Variants in FGF2 observed in about 807,000 individuals in gnomAD.
The protein encoded by FGF2 is basic fibroblast growth factor bFGF.
In FGF2, 13 loss-of-function variants were observed where a neutral mutation model predicts 15.9. The ratio of observed to expected loss-of-function variants is 0.82; its 90% confidence interval spans 0.53 to 1.30. FGF2 has a LOEUF of 1.30. Among genes scored for constraint, FGF2 ranks in the 50% most tolerant of loss-of-function variants. The pLI is 0.00. For synonymous variants in FGF2, 90 were observed against 78.4 expected (o/e 1.15, Z -0.78); for missense variants, 163 against 196.9 (o/e 0.83, Z 1.03).
rs764272274 is a variant in FGF2 at position 122,827,320 on chromosome 4, T to A, written c.146T>A (p.Val49Asp). Reference protein sequence around the residue: ...FFLRIHPDGRVDGVREKSDPH... With the variant: ...FFLRIHPDGRDDGVREKSDPH... ...CTGCGCATCCACCCCGACGGCCGAG[T>A]TGACGGGGTCCGGGAGAAGAGCGAC... is the stretch of plus-strand genomic sequence containing the variant. The change falls in exon 1 of 3, where the codon GTT becomes GAT. Residue 49 changes from valine (V) to aspartate (D), a missense_variant. Physicochemically the swap from Val to Asp is radical, Grantham distance 152. Coordinates refer to ENST00000644866, the MANE Select transcript of FGF2 (RefSeq NM_001361665.2). The surrounding 1 kb of genome is among the most constrained non-coding windows in gnomAD (Gnocchi z 4.2). 1 of 1,612,760 alleles carries A rather than the reference T, an allele frequency of 6.2e-7. No individual in the cohort carries two copies. Among genetic ancestry groups the A allele is most frequent in the African/African-American group, 1.3e-5 (1 of 74,952 alleles).
intron 1 of FGF2, among the ~76,000 whole-genome samples, chr4:122,835,189 C>CTAT (rs1553946744): frequency 6.6e-6 from 1 of 152,176 alleles, no homozygotes; most frequent in Non-Finnish European, 1.5e-5. Context: ...AGTACTAACT[C>CTAT]TATCTCCCAT....
At chr4:122,862,675 T>C (rs1726496204) in intron 1 of FGF2, among the ~76,000 whole-genome samples, 1 of 152,232 alleles carries the variant, frequency 6.6e-6, no homozygotes, top group South Asian at 2.1e-4. Context: ...GTAGATGTGA[T>C]TTAAGATATA....
At chr4:122,839,012 A>G (rs1176151628) in intron 1 of FGF2, among the ~76,000 whole-genome samples, 1 of 152,226 alleles carries the variant, frequency 6.6e-6, no homozygotes, top group East Asian at 1.9e-4. Context: ...AGTTACCTAC[A>G]GTATTCAGTA....
intron 1 of FGF2, among the ~76,000 whole-genome samples, chr4:122,856,718 TC>T (rs1560745779): frequency 2.0e-5 from 3 of 152,156 alleles, no homozygotes; most frequent in Admixed American, 6.5e-5. Flanking sequence ...TACCCAATTT[TC>T]CCCCATTGTA....
chr4:122,826,792 G>A (rs201172719), upstream of FGF2: 416 of 1,406,186 alleles, frequency 3.0e-4, no homozygotes, highest in East Asian at 0.012. Context: ...GGTGTGGGGG[G>A]TGGAGATGTA....
In FGF2 at chr4:122,876,358, G is replaced by A. The variant is rs758413753; in HGVS notation, c.216G>A (p.Val72=). 1 of 1,613,356 alleles carries A rather than the reference G, an allele frequency of 6.2e-7. No homozygotes were observed. The highest frequency in any genetic ancestry group is 1.3e-5 in the African/African-American group (1 of 74,834). Residue 72 remains valine, a synonymous_variant, in exon 2 of 3, where the codon GTG becomes GTA. Transcript: ENST00000644866. ...TTCAAGCAGAAGAGAGAGGAGTTGT[G>A]TCTATCAAAGGAGTGTGTGCTAACC... ...LQLQAEERGV[V]SIKGVCANRY...
chr4:122,872,571 C>T (rs938534918), intron 1 of FGF2, among the ~76,000 whole-genome samples: 20 of 151,900 alleles, frequency 1.3e-4, no homozygotes, highest in African/African-American at 4.6e-4. Context: ...GACACATAAT[C>T]GTCAGATTCT....
intron 2 of FGF2, among the ~76,000 whole-genome samples, chr4:122,878,288 G>A (rs1006686253): frequency 1.3e-5 from 2 of 152,178 alleles, no homozygotes; most frequent in Non-Finnish European, 2.9e-5. Flanking sequence ...TGGGGGAGAT[G>A]ACCTATAAGT....
At chr4:122,843,421 C>G (rs1404802845) in intron 1 of FGF2, among the ~76,000 whole-genome samples, 1 of 152,108 alleles carries the variant, frequency 6.6e-6, no homozygotes, top group Non-Finnish European at 1.5e-5. Flanking sequence ...TCGTCTTTAT[C>G]CTAGAAGTGG....
At chr4:122,840,182 C>T (rs1436531640) in intron 1 of FGF2, among the ~76,000 whole-genome samples, 1 of 152,154 alleles carries the variant, frequency 6.6e-6, no homozygotes, top group Non-Finnish European at 1.5e-5. Context: ...GTTCGGGGAA[C>T]ACAATTCAGC....
intron 1 of FGF2, among the ~76,000 whole-genome samples, chr4:122,867,183 G>T (rs556674478): frequency 6.6e-6 from 1 of 152,206 alleles, no homozygotes; most frequent in South Asian, 2.1e-4. Flanking sequence ...AGAATGTAGG[G>T]TGACGAAAAT....
At chr4:122,874,161 G>A (rs1726792645) in intron 1 of FGF2, among the ~76,000 whole-genome samples, 1 of 152,210 alleles carries the variant, frequency 6.6e-6, no homozygotes, top group Non-Finnish European at 1.5e-5. Flanking sequence ...AAAGTGAGAT[G>A]CAAATGCATT....
intron 1 of FGF2, among the ~76,000 whole-genome samples, chr4:122,849,385 A>T (rs1046104251): frequency 2.6e-5 from 4 of 151,342 alleles, no homozygotes; most frequent in African/African-American, 9.7e-5. Flanking sequence ...CTCAGTCATG[A>T]GTGGGAGTTG....
At chr4:122,835,179 A>C (rs753533965) in intron 1 of FGF2, among the ~76,000 whole-genome samples, 62 of 152,150 alleles carry the variant, frequency 4.1e-4, no homozygotes, top group Non-Finnish European at 7.3e-5. Flanking sequence ...GATTGGTTTG[A>C]GTACTAACTC....
intron 2 of FGF2, among the ~76,000 whole-genome samples, chr4:122,887,526 T>C (rs1360338263): frequency 1.3e-5 from 2 of 152,222 alleles, no homozygotes; most frequent in Non-Finnish European, 2.9e-5. Context: ...AACCTTATTT[T>C]CTTTTTGAAA....
intron 1 of FGF2, among the ~76,000 whole-genome samples, chr4:122,863,057 C>T (rs1726504275): frequency 6.6e-6 from 1 of 152,118 alleles, no homozygotes; most frequent in Admixed American, 6.5e-5. Flanking sequence ...CACAGAAAAT[C>T]ACGTTTAAAA....
rs1727265639 is a variant in FGF2 at position 122,893,854 on chromosome 4, G to A, written c.*1458G>A. 1 of 152,118 alleles carries A rather than the reference G, an allele frequency of 6.6e-6. No individual in the cohort carries two copies. Among genetic ancestry groups the A allele is most frequent in the African/African-American group, 2.4e-5 (1 of 41,436 alleles). The allele number at this position is 152,118 out of a possible 1,614,324, so 9.4% of individuals were successfully genotyped here. Reference sequence around the variant, plus strand: ...TCTAATTTTGTGATGTTCTGTCATTGTCTCCCAAAGTATTTAGGAGAAGCC... The same window carrying A: ...TCTAATTTTGTGATGTTCTGTCATTATCTCCCAAAGTATTTAGGAGAAGCC... On this transcript the variant is annotated 3_prime_UTR_variant, in exon 3 of 3. Coordinates refer to ENST00000644866, the MANE Select transcript of FGF2 (RefSeq NM_001361665.2).
intron 1 of FGF2, among the ~76,000 whole-genome samples, chr4:122,857,148 T>G (rs1726358203): frequency 6.6e-6 from 1 of 152,114 alleles, no homozygotes; most frequent in Non-Finnish European, 1.5e-5. Context: ...GTGGATGGAA[T>G]TTTCCCACCT....
At chr4:122,875,858 G>A (rs1191300648) in intron 1 of FGF2, among the ~76,000 whole-genome samples, 1 of 152,170 alleles carries the variant, frequency 6.6e-6, no homozygotes, top group African/African-American at 2.4e-5. Flanking sequence ...ACTAGATTTT[G>A]TTTCATTTGT....
Sources: allele counts gnomAD v4.1 joint callset (sites outside exome capture counted in the v4.1 genomes callset), GRCh38; gene constraint gnomAD v4.1.1; non-coding constraint Gnocchi (gnomAD v3.1); transcripts MANE v1.5; gene names NCBI Gene and HGNC (gene_info 2026-07-23, HGNC 2026-07-21).